Variants in LGALS9 observed in about 807,000 individuals in gnomAD.
The protein encoded by LGALS9 is galectin 9.
In LGALS9, 26 loss-of-function variants were observed where a neutral mutation model predicts 35.9. The ratio of observed to expected loss-of-function variants is 0.72; its 90% CI spans 0.53 to 1.01. LGALS9 has a LOEUF of 1.01. Among genes scored for constraint, LGALS9 ranks in the 50% least tolerant of loss-of-function variants. The pLI is 0.00. For synonymous variants in LGALS9, 149 were observed against 172.2 expected (o/e 0.87, Z 1.06); for missense variants, 347 against 445.8 (o/e 0.78, Z 1.99).
At chr17:27,646,407 T>C in intron 7 of LGALS9, 140 bp from the exon 8 acceptor site, 1 of 1,311,898 alleles carries the variant, frequency 7.6e-7, no homozygotes, top group Non-Finnish European at 1.1e-6. Context: ...AAAAGGGAGG[T>C]AGACGGGCGA....
intron 1 of LGALS9, among the ~76,000 whole-genome samples, chr17:27,636,649 T>C (rs1306862492): frequency 2.0e-5 from 3 of 151,940 alleles, no homozygotes; most frequent in Non-Finnish European, 2.9e-5. Flanking sequence ...TTTTTTTATT[T>C]TTTGTAGAGA....
At position 27,646,536 on chromosome 17, in the gene LGALS9, C is replaced by G; in HGVS notation, c.628-11C>G. On this transcript the variant is annotated splice_polypyrimidine_tract_variant and intron_variant, in intron 7 of 10. Transcript: ENST00000395473. ...GCTCTCCCATTGAATTTCCTGGTTT[C>G]TTTTCAACAGACTCCCGCCATCCCA... 6.2e-7 allele frequency: 1 copy of G among 1,612,050 alleles called. No individual in the cohort carries two copies. Among genetic ancestry groups the G allele is most frequent in the South Asian group, 1.1e-5 (1 of 90,988 alleles).
At chr17:27,633,168 G>A (rs1461257649) in intron 1 of LGALS9, among the ~76,000 whole-genome samples, 1 of 152,238 alleles carries the variant, frequency 6.6e-6, no homozygotes, top group Non-Finnish European at 1.5e-5. Context: ...TCCCAGCTCT[G>A]TTGCTGACCA....
intron 1 of LGALS9, among the ~76,000 whole-genome samples, chr17:27,636,115 C>T (rs2074448493): frequency 7.0e-6 from 1 of 143,134 alleles, no homozygotes; most frequent in Non-Finnish European, 1.6e-5. Context: ...TCTCACGGTG[C>T]CAGGTGTGTA....
chr17:27,647,481 G>C, intron 10 of LGALS9, 49 bp downstream of exon 10: 2 of 1,609,352 alleles, frequency 1.2e-6, no homozygotes, highest in South Asian at 1.1e-5. Context: ...GGGTGCACAG[G>C]GGGAGGGGGT....
Position 27,649,452 on chromosome 17 carries a change from T to C in LGALS9, c.*470T>C, listed in dbSNP as rs1905156097. On this transcript the variant is annotated 3_prime_UTR_variant, in exon 11 of 11. Transcript: ENST00000395473. ...CACCCCTCCTGGAAAGCAGGCCTGA[T>C]GGCTTCCCACTGGCCTCCACCACCT... is the stretch of plus-strand genomic sequence containing the variant. 1.5e-5 allele frequency: 3 copies of C among 203,822 alleles called. No homozygotes were observed. The highest frequency in any genetic ancestry group is 1.9e-4 in the South Asian group (2 of 10,806). 12.6% of individuals were successfully genotyped at this position (203,822 alleles called of 1,614,324 possible). A position where few individuals can be genotyped will look rare whatever the true frequency, so the allele number is the denominator to read the frequency against.
chr17:27,632,671 T>C (rs1472871151), intron 1 of LGALS9, among the ~76,000 whole-genome samples: 1 of 152,248 alleles, frequency 6.6e-6, no homozygotes, highest in Non-Finnish European at 1.5e-5. Context: ...CATATTATTA[T>C]TCTGGTGACT....
At chr17:27,635,189 G>C (rs1436929917) in intron 1 of LGALS9, among the ~76,000 whole-genome samples, 1 of 152,146 alleles carries the variant, frequency 6.6e-6, no homozygotes, top group Non-Finnish European at 1.5e-5. Context: ...GATGGTTCAT[G>C]CCTGAAATCT....
chr17:27,645,262 C>T lies in LGALS9; in HGVS notation c.541-52C>T, dbSNP rs528726853. The T allele has an allele frequency of 2.5e-5, 41 of 1,613,730 alleles. 1 individual carries two copies. The South Asian group carries it at 4.0e-4, about 16-fold the overall frequency. ...CTGGAGTTTTGCCACCATCTCCTCC[C>T]ATTCTGTGGTGCCCGCGATAACCAC... On this transcript the variant is annotated intron_variant, in intron 5 of 10. Transcript: ENST00000395473.
chr17:27,646,504 C>T, intron 7 of LGALS9, 43 bp from the exon 8 acceptor site: 2 of 1,611,922 alleles, frequency 1.2e-6, no homozygotes, highest in South Asian at 1.1e-5. Context: ...TGCTCGCGCA[C>T]CCATGTGCTC....
chr17:27,649,005 G>T lies in LGALS9; in HGVS notation c.*23G>T, dbSNP rs372947188. ...TAGGCGGCTTCCTGGCCCTGGGGCC[G>T]GGGGCTGGGGTGTGGGGCAGTCTGG... is the stretch of plus-strand genomic sequence containing the variant. On this transcript the variant is annotated 3_prime_UTR_variant, in exon 11 of 11. Transcript: ENST00000395473. 1.2e-6 allele frequency: 2 copies of T among 1,613,646 alleles called. No homozygotes were observed. Among genetic ancestry groups the T allele is most frequent in the African/African-American group, 1.3e-5 (1 of 75,014 alleles).
chr17:27,640,360 A>T, intron 2 of LGALS9: 1 of 720,368 alleles, frequency 1.4e-6, no homozygotes, highest in South Asian at 1.9e-5. Context: ...GCTTTTAGCA[A>T]ATCATGCTGT....
In LGALS9 at chr17:27,649,257, A is replaced by G. The variant is rs1905146871; in HGVS notation, c.*275A>G. ...AGGCAGGCACAGCCAGGGAGAGGGG[A>G]GGAGTGGGCAGTGAAGATGAAGCCC... On this transcript the variant is annotated 3_prime_UTR_variant, in exon 11 of 11. Transcript: ENST00000395473. 1.8e-6 allele frequency: 1 copy of G among 547,020 alleles called. No homozygotes were observed. Among genetic ancestry groups the G allele is most frequent in the Non-Finnish European group, 3.3e-6 (1 of 301,280 alleles). 33.9% of individuals were successfully genotyped at this position (547,020 alleles called of 1,614,324 possible). A position where few individuals can be genotyped will look rare whatever the true frequency, so the allele number is the denominator to read the frequency against.
At position 27,645,340 on chromosome 17, in the gene LGALS9, G is replaced by A. The variant is rs1309805918; in HGVS notation, c.567G>A (p.Pro189=). 1.9e-5 allele frequency: 30 copies of A among 1,613,638 alleles called. No individual in the cohort carries two copies. The highest frequency in any genetic ancestry group is 2.4e-5 in the Non-Finnish European group (28 of 1,179,806). ...CTCCCGGCGTGTGGCCTGCCAACCC[G>A]GCTCCCATTGTAAGTCTCTTGCTTT... The part of the protein sequence containing the change: ...QKPPGVWPAN[P]APITQTVIHT... Residue 189 remains proline (P), a synonymous_variant, in exon 6 of 11, where the codon CCG becomes CCA. Transcript: ENST00000395473.
At chr17:27,639,169 A>G (rs1383967784) in intron 2 of LGALS9, among the ~76,000 whole-genome samples, 5 of 152,010 alleles carry the variant, frequency 3.3e-5, no homozygotes, top group Non-Finnish European at 5.9e-5. Context: ...CAGCTTGGAC[A>G]CCTAGATTCT....
intron 1 of LGALS9, among the ~76,000 whole-genome samples, chr17:27,631,553 G>GTCCTGTCCTC: frequency 6.6e-6 from 1 of 152,320 alleles, no homozygotes; most frequent in South Asian, 2.1e-4. Flanking sequence ...GTCCTGTCCT[G>GTCCTGTCCTC]TCCTGTCCTG....
At chr17:27,632,429 C>T (rs2074402373) in intron 1 of LGALS9, among the ~76,000 whole-genome samples, 1 of 152,206 alleles carries the variant, frequency 6.6e-6, no homozygotes, top group African/African-American at 2.4e-5. Flanking sequence ...GCTTTCTAAA[C>T]TCCAGAGAGA....
intron 10 of LGALS9, 104 bp from the exon 11 acceptor site, chr17:27,648,732 T>C (rs1196711075): frequency 6.5e-7 from 1 of 1,539,272 alleles, no homozygotes; most frequent in African/African-American, 1.7e-5. Flanking sequence ...AGGGGCTTAT[T>C]AACAACTGAG....
chr17:27,642,930 T>C (rs1274536304), intron 4 of LGALS9, among the ~76,000 whole-genome samples: 1 of 152,136 alleles, frequency 6.6e-6, no homozygotes, highest in Non-Finnish European at 1.5e-5. Flanking sequence ...GAGTCAGGTA[T>C]GGTGGTGGAG....
Sources: allele counts gnomAD v4.1 joint callset (sites outside exome capture counted in the v4.1 genomes callset), GRCh38; gene constraint gnomAD v4.1.1; transcripts MANE v1.5; gene names NCBI Gene and HGNC (gene_info 2026-07-23, HGNC 2026-07-21).